Variants in CLDN14 observed in about 807,000 individuals in gnomAD.
CLDN14 encodes claudin 14, also known as claudin-14.
In CLDN14, 2 loss-of-function variants were observed where a neutral mutation model predicts 2.1. That is an observed-to-expected ratio of 0.96 (90% CI 0.39 to 3.01). The LOEUF (loss-of-function observed/expected upper bound fraction) is 3.01, where lower values mean the gene tolerates loss of function less well. CLDN14 is among the 30% of genes most tolerant of loss of function. The pLI is 0.09. For synonymous variants in CLDN14, 136 were observed against 154.4 expected (o/e 0.88, Z 0.88); for missense variants, 298 against 328.0 (o/e 0.91, Z 0.71).
chr21:36,496,579 C>G (rs368865252), intron 2 of CLDN14, among the ~76,000 whole-genome samples: 15 of 149,618 alleles, frequency 1.0e-4, no homozygotes, highest in Non-Finnish European at 1.9e-4. Context: ...CCCTGCTCCC[C>G]CTTCCTAGTC....
chr21:36,541,374 G>C (rs2087487067), intron 1 of CLDN14, among the ~76,000 whole-genome samples: 1 of 152,170 alleles, frequency 6.6e-6, no homozygotes, highest in African/African-American at 2.4e-5. Context: ...GAAAGAACAA[G>C]AGCCAAGTAA....
Position 36,461,095 on chromosome 21 carries a change from T to C in CLDN14, c.601A>G (p.Thr201Ala). The C allele has an allele frequency of 6.2e-7, 1 of 1,614,154 alleles. No individual in the cohort carries two copies. Residue 201 changes from threonine (T) to alanine (A), a missense_variant, in exon 2 of 2, where the codon ACC becomes GCC. Thr to Ala is a moderately conservative substitution (Grantham distance 58). Transcript: ENST00000399135. ...GGTGCGGTGTTTGCAGTGGTCGTGGTGGCCCTGGGCGGGGCCTGGTAGGGC... is the reference window on the plus strand; with the variant it reads ...GGTGCGGTGTTTGCAGTGGTCGTGGCGGCCCTGGGCGGGGCCTGGTAGGGC... ...YRPYQAPPRA[T>A]TTTANTAPAY... is the part of the protein sequence containing the mutation.
At chr21:36,486,735 C>T (rs2086901704) in intron 2 of CLDN14, 2 of 1,016,640 alleles carry the variant, frequency 2.0e-6, no homozygotes, top group South Asian at 1.3e-5. Context: ...TTCACCAGAT[C>T]CTTCTCATTG....
At chr21:36,571,717 C>G (rs1000047371) in intron 1 of CLDN14, among the ~76,000 whole-genome samples, 1 of 152,112 alleles carries the variant, frequency 6.6e-6, no homozygotes, top group South Asian at 2.1e-4. Context: ...ACCGTTACCT[C>G]CAAGTGCCCG....
At chr21:36,473,753 A>G (rs1282533015) in intron 1 of CLDN14, among the ~76,000 whole-genome samples, 1 of 152,190 alleles carries the variant, frequency 6.6e-6, no homozygotes, top group Non-Finnish European at 1.5e-5. Flanking sequence ...GGCTGATTCT[A>G]GGAACCCTCC....
chr21:36,474,095 C>T (rs2086745119), intron 1 of CLDN14, among the ~76,000 whole-genome samples: 1 of 152,112 alleles, frequency 6.6e-6, no homozygotes, highest in African/African-American at 2.4e-5. Flanking sequence ...AACTTGGACC[C>T]TCCAGGGGAA....
intron 2 of CLDN14, chr21:36,486,382 C>A: frequency 1.0e-6 from 1 of 983,124 alleles, no homozygotes; most frequent in South Asian, 1.4e-5. Context: ...GCAGCAGAGG[C>A]TGCAGCTGCT....
At chr21:36,565,358 T>C (rs954520304) in intron 1 of CLDN14, among the ~76,000 whole-genome samples, 4 of 152,150 alleles carry the variant, frequency 2.6e-5, no homozygotes, top group African/African-American at 4.8e-5. Context: ...ACCAGAGCCA[T>C]TGGTCCTTCA....
At chr21:36,507,757 C>G (rs974725735) in intron 2 of CLDN14, among the ~76,000 whole-genome samples, 2 of 151,990 alleles carry the variant, frequency 1.3e-5, no homozygotes, top group African/African-American at 2.4e-5. Flanking sequence ...GAGTGAGACT[C>G]CATCTCAAAA....
chr21:36,552,640 C>A (rs945239141), intron 1 of CLDN14, among the ~76,000 whole-genome samples: 37 of 151,822 alleles, frequency 2.4e-4, no homozygotes, highest in African/African-American at 9.0e-4. Flanking sequence ...TTTTTACTGA[C>A]CTGTGAAGTA....
chr21:36,464,529 C>T (rs557965585), intron 1 of CLDN14, among the ~76,000 whole-genome samples: 22 of 152,316 alleles, frequency 1.4e-4, no homozygotes, highest in African/African-American at 4.3e-4. Flanking sequence ...GGGCTAGGGA[C>T]GCCATCACAG....
intron 1 of CLDN14, among the ~76,000 whole-genome samples, chr21:36,560,187 G>A (rs1027354497): frequency 4.0e-5 from 6 of 150,440 alleles, no homozygotes; most frequent in African/African-American, 1.5e-4. Context: ...CACATTTTAC[G>A]TTAGTCATTT....
In CLDN14 at chr21:36,460,720, C is replaced by T. The variant is rs1342198493; in HGVS notation, c.*256G>A. On this transcript the variant is annotated 3_prime_UTR_variant, in exon 2 of 2. Coordinates refer to ENST00000399135, the MANE Select transcript of CLDN14 (RefSeq NM_001146079.2). The surrounding 1 kb of genome is among the most constrained non-coding windows in gnomAD (Gnocchi z 4.0). ...CTTTATATTAAACTTGTTATCAAAT[C>T]ACCCACATAAATATATATAATAAAT... 4 of 461,956 alleles carry T rather than the reference C, an allele frequency of 8.7e-6. No individual in the cohort carries two copies. The highest frequency in any genetic ancestry group is 1.6e-5 in the Non-Finnish European group (4 of 257,626). The allele number at this position is 461,956 out of a possible 1,614,324, so 28.6% of individuals were successfully genotyped here. A position where few individuals can be genotyped will look rare whatever the true frequency, so the allele number is the denominator to read the frequency against.
chr21:36,534,825 C>T (rs2087411509), intron 1 of CLDN14, among the ~76,000 whole-genome samples: 2 of 152,150 alleles, frequency 1.3e-5, no homozygotes, highest in South Asian at 4.1e-4. Context: ...TGTGTCCCCG[C>T]CCCTTATATT....
In CLDN14 at chr21:36,472,363, TG is replaced by T. The variant is rs750291910; in HGVS notation, c.-82+7131del. On this transcript the variant is annotated intron_variant, in intron 1 of 1. Transcript: ENST00000399135. ...GCCTAAGGTTATTGTCTTGGGCAAC[TG>T]GAGGAATGGAGTTGCCACTTATTGA... 2.0e-4 allele frequency among the ~76,000 whole-genome samples: 30 copies of T among 152,312 alleles called. 1 individual carries two copies. Among genetic ancestry groups the T allele is most frequent in the Admixed American group, 1.3e-3 (20 of 15,302 alleles).
rs1376193756 is a variant in CLDN14, at chr21:36,561,166, C to CA, written c.-220+15244dup. 2.0e-4 allele frequency among the ~76,000 whole-genome samples: 31 copies of CA among 152,308 alleles called. 1 individual carries two copies. The highest frequency in any genetic ancestry group is 1.0e-4 in the Non-Finnish European group (7 of 68,024). Reference sequence around the variant, plus strand: ...TCAGACCCACTCTGAGTGGTTTAAACAGACTCCAAGGGCTTAACTAGACCT... The same window carrying CA: ...TCAGACCCACTCTGAGTGGTTTAAACAAGACTCCAAGGGCTTAACTAGACCT... On this transcript the variant is annotated intron_variant, in intron 1 of 2. Transcript: ENST00000342108.
chr21:36,507,836 A>C (rs554806239), intron 2 of CLDN14, among the ~76,000 whole-genome samples: 1 of 152,314 alleles, frequency 6.6e-6, no homozygotes, highest in South Asian at 2.1e-4. Flanking sequence ...AACCAGTAGC[A>C]CTGTTAACAT....
intron 1 of CLDN14, among the ~76,000 whole-genome samples, chr21:36,574,091 A>C (rs541469923): frequency 6.6e-6 from 1 of 152,310 alleles, no homozygotes; most frequent in South Asian, 2.1e-4. Flanking sequence ...AGGATCTAGA[A>C]TATCTGAAAT....
intron 1 of CLDN14, among the ~76,000 whole-genome samples, chr21:36,515,105 A>G (rs543643691): frequency 1.3e-5 from 2 of 152,206 alleles, no homozygotes; most frequent in Non-Finnish European, 2.9e-5. Flanking sequence ...CTTTTGCACT[A>G]TTGGGGATGT....
Sources: gnomAD v4.1 joint callset for allele counts (sites outside exome capture counted in the v4.1 genomes callset) on GRCh38, gnomAD v4.1.1 for gene constraint, Gnocchi (gnomAD v3.1) non-coding constraint, MANE v1.5 for transcripts, NCBI Gene and HGNC (gene_info 2026-07-23, HGNC 2026-07-21) for gene names.